The following CHID1 variants were observed in gnomAD, a reference collection of about 807,000 sequenced individuals.
The protein encoded by CHID1 is chitinase domain containing 1.
Under a neutral mutation model 55.4 loss-of-function variants are expected in CHID1, and 44 were observed. The observed-to-expected ratio is 0.79, with a 90% CI of 0.62 to 1.02. CHID1 has a LOEUF of 1.02. Ranked by LOEUF, CHID1 falls within the 50% of genes least tolerant of loss-of-function variation. The probability of loss-of-function intolerance (pLI) is 0.00; values close to 1 mark genes in which losing one functional copy is unlikely to be tolerated. For missense variants in CHID1, 491 were observed against 515.3 expected (o/e 0.95, Z 0.46); for synonymous variants, 216 against 212.9 (o/e 1.01, Z -0.13).
intron 10 of CHID1, chr11:882,916 G>A (rs1349876683): frequency 6.1e-6 from 3 of 489,012 alleles, no homozygotes; most frequent in Non-Finnish European, 1.1e-5. Context: ...TCACGCAGAT[G>A]TGGGGACAGC....
intron 10 of CHID1, among the ~76,000 whole-genome samples, chr11:879,225 T>C (rs1849721513): frequency 6.6e-6 from 1 of 152,068 alleles, no homozygotes; most frequent in Non-Finnish European, 1.5e-5. Context: ...CTCTTGACTT[T>C]GTGATCCACC....
intron 4 of CHID1, 90 bp from the exon 5 acceptor site, chr11:901,070 C>T: frequency 2.4e-6 from 3 of 1,229,764 alleles, no homozygotes; most frequent in Admixed American, 4.3e-5. Flanking sequence ...GGCAGCCGCA[C>T]AATACGCAAT....
upstream of CHID1, among the ~76,000 whole-genome samples, chr11:912,320 A>C (rs1357204476): frequency 6.6e-6 from 1 of 152,130 alleles, no homozygotes; most frequent in Non-Finnish European, 1.5e-5. Context: ...GTCTCAAAAA[A>C]ACAAAAAAAA....
At chr11:874,175 G>C (rs892189163) in intron 10 of CHID1, among the ~76,000 whole-genome samples, 4 of 152,202 alleles carry the variant, frequency 2.6e-5, no homozygotes, top group African/African-American at 9.6e-5. Flanking sequence ...ATTAAAAACA[G>C]AGGGGGCCGG....
chr11:875,794 C>T lies in CHID1; in HGVS notation c.960-5295G>A, dbSNP rs1049712912. Among the ~76,000 whole-genome samples, 2 of 152,140 alleles carry T rather than the reference C, an allele frequency of 1.3e-5. No homozygotes were observed. Among genetic ancestry groups the T allele is most frequent in the Admixed American group, 1.3e-4 (2 of 15,274 alleles). ...AAGACGCCACGGCAGTGATGAGGAC[C>T]ACGTGCCTAAGATTCAATCCCTGCT... On this transcript the variant is annotated intron_variant, in intron 10 of 12. Coordinates refer to ENST00000323578, the MANE Select transcript of CHID1 (RefSeq NM_023947.4). The surrounding 1 kb of genome is among the most constrained non-coding windows in gnomAD (Gnocchi z 4.7).
chr11:881,377 G>A (rs1040291585), intron 10 of CHID1, among the ~76,000 whole-genome samples: 20 of 151,072 alleles, frequency 1.3e-4, no homozygotes, highest in Admixed American at 7.3e-4. Context: ...CACGTCGGGC[G>A]GTAGGCTGGG....
chr11:902,512 G>A (rs576155777), intron 3 of CHID1, among the ~76,000 whole-genome samples, 182 bp from the exon 4 acceptor site: 1 of 152,318 alleles, frequency 6.6e-6, no homozygotes, highest in East Asian at 1.9e-4. Context: ...GCCACTCACA[G>A]CCTGGGACCC....
intron 10 of CHID1, among the ~76,000 whole-genome samples, chr11:878,708 T>C (rs948229074): frequency 6.6e-6 from 1 of 152,192 alleles, no homozygotes; most frequent in Non-Finnish European, 1.5e-5. Context: ...TTTATTCTTT[T>C]TTTTTTAATT....
In CHID1 at chr11:870,987, AC is replaced by A. The variant is rs35394296; in HGVS notation, c.960-489del. Reference sequence around the variant, plus strand: ...GGCTGCCCGGGGCAGTGGTTTCTGCACCTTTTTTTTTTTTTTTTTTTGAGAC... The same window carrying A: ...GGCTGCCCGGGGCAGTGGTTTCTGCACTTTTTTTTTTTTTTTTTTTGAGAC... On this transcript the variant is annotated intron_variant, in intron 10 of 12. Transcript: ENST00000323578. 5.8e-5 allele frequency among the ~76,000 whole-genome samples: 5 copies of A among 86,092 alleles called. No individual in the cohort carries two copies. The South Asian group carries it at 2.0e-3, about 35-fold the overall frequency. 56.5% of individuals were successfully genotyped at this position (86,092 alleles called of 152,430 possible). A position where few individuals can be genotyped will look rare whatever the true frequency, so the allele number is the denominator to read the frequency against.
Position 868,259 on chromosome 11 carries a change from C to T in CHID1, c.*1599G>A, listed in dbSNP as rs1401363662. ...GGAGACAAGGTCAGTGCCCCAAAGC[C>T]AGTGGCAGCTTGTGTTTTTTTAGAC... is the stretch of plus-strand genomic sequence containing the variant. On this transcript the variant is annotated 3_prime_UTR_variant, in exon 13 of 13. Coordinates refer to ENST00000323578, the MANE Select transcript of CHID1 (RefSeq NM_023947.4). 1 of 152,052 alleles carries T rather than the reference C, an allele frequency of 6.6e-6. No homozygotes were observed. The highest frequency in any genetic ancestry group is 1.9e-4 in the East Asian group (1 of 5,174). 9.4% of individuals were successfully genotyped at this position (152,052 alleles called of 1,614,324 possible). A position where few individuals can be genotyped will look rare whatever the true frequency, so the allele number is the denominator to read the frequency against.
At chr11:877,231 C>A (rs528202055) in intron 10 of CHID1, among the ~76,000 whole-genome samples, 1 of 152,252 alleles carries the variant, frequency 6.6e-6, no homozygotes, top group Admixed American at 6.5e-5. Context: ...ATTCTCAGAA[C>A]AATCATGGGT....
upstream of CHID1, chr11:911,025 G>T (rs1852653140): frequency 6.4e-6 from 1 of 155,692 alleles, no homozygotes; most frequent in South Asian, 1.9e-4. Flanking sequence ...CGCCCCTGGT[G>T]CTCGCGCTGG....
intron 12 of CHID1, 71 bp from the exon 13 acceptor site, chr11:870,027 C>T (rs957446169): frequency 6.2e-6 from 10 of 1,605,338 alleles, no homozygotes; most frequent in Middle Eastern, 1.7e-4. Flanking sequence ...TCCTCCAGGC[C>T]GAGGGGCAGC....
rs1196401321 is a variant in CHID1, at chr11:867,919, G to A, written c.*1939C>T. ...CAGGATTCTCACAGCCAGGGGTGAG[G>A]GTTGTGTGGGGACCCTGGCCACAGG... On this transcript the variant is annotated 3_prime_UTR_variant, in exon 13 of 13. Coordinates refer to ENST00000323578, the MANE Select transcript of CHID1 (RefSeq NM_023947.4). 6.6e-6 allele frequency: 1 copy of A among 152,126 alleles called. No individual in the cohort carries two copies. The highest frequency in any genetic ancestry group is 1.9e-4 in the East Asian group (1 of 5,196). 9.4% of individuals were successfully genotyped at this position (152,126 alleles called of 1,614,324 possible).
chr11:882,638 C>T (rs1243494416), intron 10 of CHID1: 3 of 154,320 alleles, frequency 1.9e-5, no homozygotes, highest in African/African-American at 4.8e-5. Flanking sequence ...CGGTGAAACG[C>T]TGTCCGAATG....
intron 2 of CHID1, among the ~76,000 whole-genome samples, 192 bp from the exon 3 acceptor site, chr11:903,303 C>A (rs372160104): frequency 2.0e-5 from 3 of 152,310 alleles, no homozygotes; most frequent in South Asian, 2.1e-4. Context: ...GCACTCTGGC[C>A]GTCAACAGAC....
intron 10 of CHID1, among the ~76,000 whole-genome samples, chr11:878,307 G>A (rs571812331): frequency 5.8e-4 from 88 of 152,290 alleles, no homozygotes; most frequent in African/African-American, 2.1e-3. Context: ...CCAGCTACTC[G>A]GGAGGCTGAG....
At position 880,552 on chromosome 11, in the gene CHID1, C is replaced by T. The variant is rs1020106542; in HGVS notation, c.959+2596G>A. ...CTGCCATCTGCCATGGAGGGGCTCACGGAGGGCACCCCTGGAGGCCGGGCA... is the reference window on the plus strand; with the variant it reads ...CTGCCATCTGCCATGGAGGGGCTCATGGAGGGCACCCCTGGAGGCCGGGCA... On this transcript the variant is annotated intron_variant, in intron 10 of 12. Coordinates refer to ENST00000323578, the MANE Select transcript of CHID1 (RefSeq NM_023947.4). Among the ~76,000 whole-genome samples the T allele has an allele frequency of 3.9e-5, 6 of 152,204 alleles. No homozygotes were observed. In the East Asian group the frequency reaches 7.7e-4, roughly 20 times the overall value.
At chr11:876,704 G>A (rs1050079481) in intron 10 of CHID1, among the ~76,000 whole-genome samples, 5 of 152,216 alleles carry the variant, frequency 3.3e-5, no homozygotes, top group African/African-American at 9.6e-5. Context: ...GCACTCTCTC[G>A]GCCGGCTCGG....
Sources: gnomAD v4.1 joint callset for allele counts (sites outside exome capture counted in the v4.1 genomes callset) on GRCh38, gnomAD v4.1.1 for gene constraint, Gnocchi (gnomAD v3.1) non-coding constraint, MANE v1.5 for transcripts, NCBI Gene and HGNC (gene_info 2026-07-23, HGNC 2026-07-21) for gene names.